Variants in SRD5A3 observed in about 807,000 individuals in gnomAD.
The protein encoded by SRD5A3 is polyprenal reductase.
SRD5A3 carries 24 observed loss-of-function variants against 34.3 expected under a neutral mutation model. The observed-to-expected ratio is 0.70, with a 90% CI of 0.51 to 0.99. SRD5A3 has a LOEUF of 0.99. Among genes scored for constraint, SRD5A3 ranks in the 50% least tolerant of loss-of-function variants. The pLI is 0.00. For missense variants in SRD5A3, 350 were observed against 388.2 expected, an observed-to-expected ratio of 0.90 and a Z score of 0.83; for synonymous variants, 161 against 167.3, an observed-to-expected ratio of 0.96 and a Z score of 0.29.
intron 1 of SRD5A3, among the ~76,000 whole-genome samples, chr4:55,354,339 C>T (rs1719343631): frequency 6.6e-6 from 1 of 152,192 alleles, no homozygotes; most frequent in South Asian, 2.1e-4. Flanking sequence ...CTCAGGTGAT[C>T]TGCCCTCAGC....
intron 1 of SRD5A3, among the ~76,000 whole-genome samples, chr4:55,350,561 T>C (rs1219781891): frequency 6.6e-6 from 1 of 152,184 alleles, no homozygotes; most frequent in African/African-American, 2.4e-5. Flanking sequence ...TCATAAATTG[T>C]GAATGCAATG....
chr4:55,358,553 A>AG (rs1422102196), intron 1 of SRD5A3, among the ~76,000 whole-genome samples: 13,526 of 137,614 alleles, frequency 0.098, 821 homozygotes, highest in East Asian at 0.25. Context: ...AAAAAAAAAA[A>AG]AAAAGAAGAA....
intron 1 of SRD5A3, among the ~76,000 whole-genome samples, chr4:55,348,032 C>G (rs1719060188): frequency 6.6e-6 from 1 of 152,102 alleles, no homozygotes; most frequent in East Asian, 1.9e-4. Flanking sequence ...TAAAATCATC[C>G]CCTGAACTTG....
chr4:55,350,664 T>G (rs190551690), intron 1 of SRD5A3, among the ~76,000 whole-genome samples: 83 of 152,308 alleles, frequency 5.4e-4, no homozygotes, highest in African/African-American at 1.9e-3. Context: ...AACACTCTAT[T>G]ATTAAGTATA....
chr4:55,355,798 G>C (rs1719433301), intron 1 of SRD5A3, among the ~76,000 whole-genome samples: 2 of 151,998 alleles, frequency 1.3e-5, no homozygotes, highest in Non-Finnish European at 2.9e-5. Context: ...CTGAGTCTTG[G>C]GTTTCTCATC....
intron 1 of SRD5A3, among the ~76,000 whole-genome samples, chr4:55,347,435 G>T (rs892134575): frequency 1.3e-5 from 2 of 152,080 alleles, no homozygotes; most frequent in Non-Finnish European, 2.9e-5. Flanking sequence ...TCGAGACCAG[G>T]CTGGGAAATA....
intron 1 of SRD5A3, chr4:55,352,376 C>G: frequency 2.6e-6 from 2 of 781,454 alleles, no homozygotes; most frequent in South Asian, 1.3e-5. Flanking sequence ...ACTTCATGGT[C>G]GCATACTTCC....
intron 3 of SRD5A3, chr4:55,365,542 T>TA (rs1719856731): frequency 6.6e-6 from 1 of 152,302 alleles, no homozygotes; most frequent in Non-Finnish European, 1.5e-5. Context: ...GTTCTCCCCC[T>TA]AAAGGAACTT....
rs2109480488 is a variant in SRD5A3 at position 55,364,266 on chromosome 4, G to A, written c.557G>A (p.Arg186Lys). 1 of 1,614,086 alleles carries A rather than the reference G, an allele frequency of 6.2e-7. No homozygotes were observed. The highest frequency in any genetic ancestry group is 2.2e-5 in the East Asian group (1 of 44,876). Residue 186 changes from arginine (R) to lysine (K), a missense_variant, in exon 3 of 5, where the codon AGG becomes AAG. Physicochemically the swap from Arg to Lys is conservative, Grantham distance 26 (BLOSUM62 2). Coordinates refer to ENST00000264228, the MANE Select transcript of SRD5A3 (RefSeq NM_024592.5). ...TVLSQVPMDG[R>K]NAYITGKNLL... ...CTGAGCCAAGTGCCAATGGATGGCA[G>A]GAATGGTGAGTGGATCCAGCCCTGC...
At chr4:55,357,544 G>T (rs927240619) in intron 1 of SRD5A3, among the ~76,000 whole-genome samples, 1 of 151,874 alleles carries the variant, frequency 6.6e-6, no homozygotes, top group Non-Finnish European at 1.5e-5. Context: ...GATTGGCCTT[G>T]ATGCATGAAC....
At chr4:55,352,986 A>AT (rs1719254436) in intron 1 of SRD5A3, among the ~76,000 whole-genome samples, 3 of 152,170 alleles carry the variant, frequency 2.0e-5, no homozygotes, top group Non-Finnish European at 4.4e-5. Context: ...CTATGCTAGA[A>AT]TTTGAATGTT....
At chr4:55,367,339 C>T (rs1004148432) in intron 3 of SRD5A3, among the ~76,000 whole-genome samples, 2 of 152,158 alleles carry the variant, frequency 1.3e-5, no homozygotes, top group Non-Finnish European at 2.9e-5. Context: ...ACTGAAGCTG[C>T]CCATAGCTGA....
chr4:55,355,718 T>TCTTTC (rs1298819740), intron 1 of SRD5A3, among the ~76,000 whole-genome samples: 140 of 152,294 alleles, frequency 9.2e-4, no homozygotes, highest in African/African-American at 3.2e-3. Flanking sequence ...AGCACAATAG[T>TCTTTC]ATGATTTTAA....
In SRD5A3 at chr4:55,370,431, T is replaced by TCA. The variant is rs3034886; in HGVS notation, c.*381_*382dup. 0.086 allele frequency: 19,463 copies of TCA among 225,238 alleles called. 788 individuals carry two copies. Among genetic ancestry groups the TCA allele is most frequent in the Middle Eastern group, 0.15 (82 of 546 alleles). 14.0% of individuals were successfully genotyped at this position (225,238 alleles called of 1,614,324 possible). On this transcript the variant is annotated 3_prime_UTR_variant, in exon 5 of 5. Coordinates refer to ENST00000264228, the MANE Select transcript of SRD5A3 (RefSeq NM_024592.5). ...AAAAACCGAAAATATACAAACAGCTTCACACACACACACACACACACACAC... is the reference window on the plus strand; with the variant it reads ...AAAAACCGAAAATATACAAACAGCTTCACACACACACACACACACACACACAC...
intron 1 of SRD5A3, among the ~76,000 whole-genome samples, 196 bp downstream of exon 1, chr4:55,346,753 G>C (rs909939347): frequency 6.6e-6 from 1 of 152,180 alleles, no homozygotes; most frequent in Non-Finnish European, 1.5e-5. Flanking sequence ...CCGGGGAGCA[G>C]TGCCCGGGTG....
At chr4:55,353,748 C>T (rs1049810837) in intron 1 of SRD5A3, among the ~76,000 whole-genome samples, 7 of 151,854 alleles carry the variant, frequency 4.6e-5, no homozygotes, top group South Asian at 4.2e-4. Flanking sequence ...CACTCACTGC[C>T]GAGGTCTGCG....
chr4:55,352,110 G>C (rs1437789222), intron 1 of SRD5A3: 2 of 786,774 alleles, frequency 2.5e-6, no homozygotes, highest in Non-Finnish European at 4.7e-6. Flanking sequence ...GTTATACAAG[G>C]AATACACTTG....
At chr4:55,352,502 G>A (rs988169827) in intron 1 of SRD5A3, 23 of 595,206 alleles carry the variant, frequency 3.9e-5, no homozygotes, top group Non-Finnish European at 6.7e-5. Flanking sequence ...GAAATGGTGA[G>A]AACCCCTGCT....
chr4:55,356,007 T>TTTTTTTTTA (rs1337186555), intron 1 of SRD5A3, among the ~76,000 whole-genome samples: 1 of 138,456 alleles, frequency 7.2e-6, no homozygotes. Context: ...TCCATTTTTT[T>TTTTTTTTTA]TTTTTTTTTT....
Sources: allele counts gnomAD v4.1 joint callset (sites outside exome capture counted in the v4.1 genomes callset), GRCh38; gene constraint gnomAD v4.1.1; transcripts MANE v1.5; gene names NCBI Gene and HGNC (gene_info 2026-07-23, HGNC 2026-07-21).